Variants in DMTN observed in about 807,000 individuals in gnomAD.
DMTN encodes dematin actin binding protein.
A neutral mutation model predicts 59.4 loss-of-function variants in DMTN; 27 were observed. The observed-to-expected ratio is 0.45, with a 90% CI of 0.33 to 0.63. The LOEUF (loss-of-function observed/expected upper bound fraction) is 0.63. Among genes scored for constraint, DMTN ranks in the 20% least tolerant of loss-of-function variants. The pLI, the probability that DMTN is intolerant of heterozygous loss-of-function variation, is 0.02. For synonymous variants in DMTN, 221 were observed against 203.7 expected (o/e 1.08, Z -0.72); for missense variants, 451 against 528.9 (o/e 0.85, Z 1.45).
rs1388675578 is a variant in DMTN, at chr8:22,081,380, G to A, written c.1135G>A (p.Val379Ile). Residue 379 changes from valine (V) to isoleucine (I), a missense_variant, in exon 16 of 16, where the codon GTA becomes ATA. Coordinates refer to ENST00000358242, the MANE Select transcript of DMTN (RefSeq NM_001387751.1). ...TCTGTCTGCCGAGGACTTCTCAAGG[G>A]TATTTGCCATGTCCCCTGAAGAGTT... The part of the protein sequence containing the change: ...RHLSAEDFSR[V>I]FAMSPEEFGK... 3.1e-6 allele frequency: 5 copies of A among 1,614,122 alleles called. No homozygotes were observed. Among genetic ancestry groups the A allele is most frequent in the South Asian group, 2.2e-5 (2 of 91,090 alleles).
In DMTN at chr8:22,080,607, C is replaced by G; in HGVS notation, c.950-11C>G. 1 of 1,609,322 alleles carries G rather than the reference C, an allele frequency of 6.2e-7. No homozygotes were observed. Among genetic ancestry groups the G allele is most frequent in the Non-Finnish European group, 8.5e-7 (1 of 1,177,754 alleles). ...GAGCTGCATCTGACCCATGCCCCTT[C>G]TCTCCCGCAGGCCTGCAGGTGAGTG... On this transcript the variant is annotated splice_polypyrimidine_tract_variant and intron_variant, in intron 12 of 15. Coordinates refer to ENST00000358242, the MANE Select transcript of DMTN (RefSeq NM_001387751.1).
chr8:22,067,136 C>T lies in DMTN; in HGVS notation c.70C>T (p.Pro24Ser), dbSNP rs372065087. Reference sequence around the variant, plus strand: ...GAGCCCCTCCCGAGATTCCAGTGTGCCTGGCTCTCCCTCCAGCATCGTGGT... The same window carrying T: ...GAGCCCCTCCCGAGATTCCAGTGTGTCTGGCTCTCCCTCCAGCATCGTGGT... The part of the protein sequence containing the change: ...SVSPSRDSSV[P>S]GSPSSIVAKM... Residue 24 changes from proline (P) to serine (S), a missense_variant, in exon 3 of 16, where the codon CCT (proline) becomes TCT (serine). Pro to Ser is a moderately conservative substitution (Grantham distance 74). Coordinates refer to ENST00000358242, the MANE Select transcript of DMTN (RefSeq NM_001387751.1). 4.1e-5 allele frequency: 66 copies of T among 1,606,378 alleles called. No individual in the cohort carries two copies. Among genetic ancestry groups the T allele is most frequent in the Non-Finnish European group, 5.4e-5 (63 of 1,176,742 alleles).
chr8:22,054,509 G>A (rs1037879056), upstream of DMTN, among the ~76,000 whole-genome samples: 2 of 152,106 alleles, frequency 1.3e-5, no homozygotes, highest in Non-Finnish European at 1.5e-5. Flanking sequence ...CCCTGCCGGA[G>A]CAACCCCTCT....
chr8:22,066,699 C>T lies in DMTN; in HGVS notation c.-171-6C>T. The T allele has an allele frequency of 1.6e-6, 1 of 620,554 alleles. No individual in the cohort carries two copies. The highest frequency in any genetic ancestry group is 2.3e-6 in the Non-Finnish European group (1 of 439,976). 38.4% of individuals were successfully genotyped at this position (620,554 alleles called of 1,614,324 possible). A position where few individuals can be genotyped will look rare whatever the true frequency, so the allele number is the denominator to read the frequency against. On this transcript the variant is annotated splice_polypyrimidine_tract_variant and splice_region_variant and intron_variant, in intron 1 of 15. Coordinates refer to ENST00000358242, the MANE Select transcript of DMTN (RefSeq NM_001387751.1). ...CCGGCGCGGCCTCCCTCCCTTCTCC[C>T]CGCAGCCTGGAGAGTCACCGCCGAG...
intron 9 of DMTN, among the ~76,000 whole-genome samples, chr8:22,073,382 T>TA (rs1817208541): frequency 6.6e-6 from 1 of 151,746 alleles, no homozygotes; most frequent in African/African-American, 2.4e-5. Context: ...TCCCAACACT[T>TA]AGGGAGGCCG....
At chr8:22,062,643 T>G (rs1166125534) in intron 1 of DMTN, among the ~76,000 whole-genome samples, 2 of 151,890 alleles carry the variant, frequency 1.3e-5, no homozygotes, top group African/African-American at 2.4e-5. Flanking sequence ...CCATTCCCCC[T>G]GGCTGTACCA....
intron 8 of DMTN, among the ~76,000 whole-genome samples, chr8:22,071,249 A>G (rs2131124579): frequency 6.6e-6 from 1 of 152,166 alleles, no homozygotes; most frequent in South Asian, 2.1e-4. Flanking sequence ...GGCATGCACC[A>G]CCACACCTGG....
At chr8:22,069,992 G>C in intron 7 of DMTN, 55 bp downstream of exon 7, 1 of 1,605,202 alleles carries the variant, frequency 6.2e-7, no homozygotes, top group Non-Finnish European at 8.5e-7. Flanking sequence ...CTGGGAGGCC[G>C]TGCCCTGGGG....
chr8:22,082,081 G>T lies in DMTN; in HGVS notation c.*618G>T, dbSNP rs1824551285. On this transcript the variant is annotated 3_prime_UTR_variant, in exon 16 of 16. Transcript: ENST00000358242. ...GGCTTCCCCAGAAGCCTGGGCTTAG[G>T]GTGGAGATGCCGCCTACACACGATC... 2.2e-6 allele frequency: 1 copy of T among 456,724 alleles called. No homozygotes were observed. The highest frequency in any genetic ancestry group is 4.4e-6 in the Non-Finnish European group (1 of 226,984). 28.3% of individuals were successfully genotyped at this position (456,724 alleles called of 1,614,324 possible). A position where few individuals can be genotyped will look rare whatever the true frequency, so the allele number is the denominator to read the frequency against.
chr8:22,069,375 G>A (rs781143626), intron 5 of DMTN, 44 bp from the exon 6 acceptor site: 6 of 1,543,042 alleles, frequency 3.9e-6, no homozygotes, highest in Non-Finnish European at 4.4e-6. Flanking sequence ...TGTGTGGGTT[G>A]GAGGGGGTTA....
chr8:22,068,002 C>T (rs117543077), intron 4 of DMTN, among the ~76,000 whole-genome samples: 3,961 of 152,234 alleles, frequency 0.026, 73 homozygotes, highest in Non-Finnish European at 0.039. Flanking sequence ...GCGGAGGGAC[C>T]CATGTGATGT....
chr8:22,080,351 A>G, intron 11 of DMTN, 61 bp from the exon 12 acceptor site: 1 of 1,613,636 alleles, frequency 6.2e-7, no homozygotes, highest in African/African-American at 1.3e-5. Context: ...AGACCCCCAA[A>G]GTGAAGGGGA....
In DMTN at chr8:22,080,165, T is replaced by G. The variant is rs1823201304; in HGVS notation, c.836-15T>G. 6.2e-7 allele frequency: 1 copy of G among 1,613,958 alleles called. No homozygotes were observed. Among genetic ancestry groups the G allele is most frequent in the Non-Finnish European group, 8.5e-7 (1 of 1,179,988 alleles). On this transcript the variant is annotated splice_polypyrimidine_tract_variant and intron_variant, in intron 10 of 15. Coordinates refer to ENST00000358242, the MANE Select transcript of DMTN (RefSeq NM_001387751.1). ...GCCAAAGGGACTGAACTCAGGACCT[T>G]TTGCTGTCTTCCAGCCTTGCACCAG...
At chr8:22,077,078 T>A (rs1820425768) in intron 10 of DMTN, among the ~76,000 whole-genome samples, 1 of 151,928 alleles carries the variant, frequency 6.6e-6, no homozygotes, top group South Asian at 2.1e-4. Flanking sequence ...AGCTGTTGGG[T>A]TGACCCTGGG....
Position 22,072,455 on chromosome 8 carries a change from C to T in DMTN, c.729+5C>T. ...CAGAGAGAGGAACTCAGTAAGGTAG[C>T]ATCTCACCACCCCCACCCTCCACCC... On this transcript the variant is annotated splice_donor_5th_base_variant and intron_variant, in intron 9 of 15. Coordinates refer to ENST00000358242, the MANE Select transcript of DMTN (RefSeq NM_001387751.1). 6.4e-7 allele frequency: 1 copy of T among 1,551,146 alleles called. No homozygotes were observed. Among genetic ancestry groups the T allele is most frequent in the Non-Finnish European group, 8.7e-7 (1 of 1,145,242 alleles).
chr8:22,065,734 C>G (rs933064083), intron 1 of DMTN, among the ~76,000 whole-genome samples: 5 of 151,138 alleles, frequency 3.3e-5, no homozygotes, highest in African/African-American at 1.2e-4. Flanking sequence ...ACTCGGGAGG[C>G]TGAGACAGGA....
At chr8:22,075,516 ATTTTTTTTT>A in intron 10 of DMTN, among the ~76,000 whole-genome samples, 1 of 87,726 alleles carries the variant, frequency 1.1e-5, no homozygotes, top group South Asian at 4.5e-4. Context: ...GCCCAGCTAA[ATTTTTTTTT>A]TTTTTTTTTT....
chr8:22,066,823 TC>T lies in DMTN; in HGVS notation c.-49del. ...GCGCCGAGCCTGACACGCTGTCCTC[TC>T]CCCTCGCGCACAGGGCTCTGCGAGT... On this transcript the variant is annotated 5_prime_UTR_variant, in exon 2 of 16. Coordinates refer to ENST00000358242, the MANE Select transcript of DMTN (RefSeq NM_001387751.1). 7.0e-7 allele frequency: 1 copy of T among 1,418,474 alleles called. No homozygotes were observed. Among genetic ancestry groups the T allele is most frequent in the Admixed American group, 2.6e-5 (1 of 37,942 alleles). 87.9% of individuals were successfully genotyped at this position (1,418,474 alleles called of 1,614,324 possible).
At chr8:22,057,695 G>A (rs1803467322) in intron 1 of DMTN, among the ~76,000 whole-genome samples, 3 of 152,300 alleles carry the variant, frequency 2.0e-5, no homozygotes, top group Middle Eastern at 6.8e-3. Context: ...CCCAAGCCCA[G>A]TACTCCCCCT....
Sources: allele counts gnomAD v4.1 joint callset (sites outside exome capture counted in the v4.1 genomes callset), GRCh38; gene constraint gnomAD v4.1.1; transcripts MANE v1.5; gene names NCBI Gene and HGNC (gene_info 2026-07-23, HGNC 2026-07-21).